The following NEMP2 variants were observed in gnomAD, a reference collection of about 807,000 sequenced individuals.
NEMP2 encodes the protein nuclear envelope integral membrane protein 2, also known as UPF0571 transmembrane protein.
In NEMP2, 53 loss-of-function variants were observed where a neutral mutation model predicts 54.2. The ratio of observed to expected loss-of-function variants is 0.98; its 90% CI spans 0.78 to 1.23. The LOEUF (loss-of-function observed/expected upper bound fraction) is 1.23, where lower values mean the gene tolerates loss of function less well. Among genes scored for constraint, NEMP2 ranks in the 50% most tolerant of loss-of-function variants. NEMP2 has a pLI of 0.00. For missense variants in NEMP2, 455 were observed against 511.3 expected (o/e 0.89, Z 1.06); for synonymous variants, 197 against 190.3 (o/e 1.04, Z -0.29).
At chr2:190,551,939 C>G in the NEMP2 span, among the ~76,000 whole-genome samples, 1 of 152,270 alleles carries the variant, frequency 6.6e-6, no homozygotes, top group Non-Finnish European at 1.5e-5. Context: ...TGTCTCTGTC[C>G]AGCTCCATTT....
At chr2:190,497,071 A>T in the NEMP2 span, among the ~76,000 whole-genome samples, 1 of 152,334 alleles carries the variant, frequency 6.6e-6, no homozygotes, top group East Asian at 1.9e-4. The surrounding 1 kb of genome is among the most constrained non-coding windows in gnomAD (Gnocchi z 5.2). Flanking sequence ...AACATTTTTT[A>T]AAAAATAACT....
At chr2:190,549,136 C>G in the NEMP2 span, among the ~76,000 whole-genome samples, 2 of 152,182 alleles carry the variant, frequency 1.3e-5, no homozygotes, top group Non-Finnish European at 1.5e-5. Flanking sequence ...TTCATACTTA[C>G]AGTGCAGTTT....
rs985043539 is a variant in NEMP2, at chr2:190,512,037, G to T, written c.954-1500C>A. On this transcript the variant is annotated intron_variant, in intron 7 of 8. Coordinates refer to ENST00000409150, the MANE Select transcript of NEMP2 (RefSeq NM_001142645.2). This position sits in a 1 kb window ranked among gnomAD's most constrained non-coding sequence, Gnocchi z 4.5. ...ATTGATAAATCTATTATCTTTTAAAGATCTTATAGTTGATGAGCTAGATCA... is the reference window on the plus strand; with the variant it reads ...ATTGATAAATCTATTATCTTTTAAATATCTTATAGTTGATGAGCTAGATCA... Among the ~76,000 whole-genome samples the T allele has an allele frequency of 4.0e-5, 6 of 151,558 alleles. 1 individual carries two copies. In the South Asian group the frequency reaches 1.3e-3, roughly 32 times the overall value.
chr2:190,498,170 T>G, the NEMP2 span, among the ~76,000 whole-genome samples: 1 of 152,160 alleles, frequency 6.6e-6, no homozygotes, highest in African/African-American at 2.4e-5. This position sits in a 1 kb window ranked among gnomAD's most constrained non-coding sequence, Gnocchi z 5.9. Flanking sequence ...GTTATGCAGG[T>G]GGCCTCACCT....
At chr2:190,599,408 A>G in the NEMP2 span, among the ~76,000 whole-genome samples, 1 of 152,202 alleles carries the variant, frequency 6.6e-6, no homozygotes, top group Non-Finnish European at 1.5e-5. Context: ...ATCACAGGTA[A>G]AACTCTTGAA....
the NEMP2 span, among the ~76,000 whole-genome samples, chr2:190,481,809 C>A: frequency 6.6e-6 from 1 of 152,196 alleles, no homozygotes; most frequent in African/African-American, 2.4e-5. Flanking sequence ...AACTTTCTTT[C>A]GTGCAGCACA....
the NEMP2 span, among the ~76,000 whole-genome samples, chr2:190,636,339 C>G: frequency 6.6e-6 from 1 of 152,184 alleles, no homozygotes; most frequent in Admixed American, 6.5e-5. Context: ...CTGCTTAAGG[C>G]CAAGTAAGGT....
chr2:190,455,018 T>C, the NEMP2 span, among the ~76,000 whole-genome samples: 1 of 146,752 alleles, frequency 6.8e-6, no homozygotes, highest in East Asian at 1.9e-4. Flanking sequence ...TGTATATGTA[T>C]ATGTGTGTTG....
rs1254302050 is a variant in NEMP2 at position 190,519,709 on chromosome 2, C to T, written c.214-526G>A. On this transcript the variant is annotated intron_variant, in intron 2 of 8. Transcript: ENST00000409150. The surrounding 1 kb of genome is among the most constrained non-coding windows in gnomAD (Gnocchi z 5.4). ...ACATTATTGAAAGTGAATGCTTCTC[C>T]CTCCAAGCTGTGGCTGATTTAAGTC... is the stretch of plus-strand genomic sequence containing the variant. Among the ~76,000 whole-genome samples, 1 of 152,176 alleles carries T rather than the reference C, an allele frequency of 6.6e-6. No individual in the cohort carries two copies. Among genetic ancestry groups the T allele is most frequent in the Admixed American group, 6.5e-5 (1 of 15,286 alleles).
chr2:190,437,178 G>C, the NEMP2 span: 6 of 1,614,240 alleles, frequency 3.7e-6, no homozygotes, highest in Non-Finnish European at 5.1e-6. The surrounding 1 kb of genome is among the most constrained non-coding windows in gnomAD (Gnocchi z 5.9). Flanking sequence ...CCATGGCCTT[G>C]ATCGTTGCCA....
At chr2:190,638,384 G>A in the NEMP2 span, among the ~76,000 whole-genome samples, 7 of 152,106 alleles carry the variant, frequency 4.6e-5, no homozygotes, top group African/African-American at 1.7e-4. The surrounding 1 kb of genome is among the most constrained non-coding windows in gnomAD (Gnocchi z 5.7). Context: ...GTGAGTGGGA[G>A]TGGAAGGCGA....
the NEMP2 span, among the ~76,000 whole-genome samples, chr2:190,487,540 G>C: frequency 6.6e-6 from 1 of 152,042 alleles, no homozygotes; most frequent in Non-Finnish European, 1.5e-5. This position sits in a 1 kb window ranked among gnomAD's most constrained non-coding sequence, Gnocchi z 5.5. Flanking sequence ...AATATATAAA[G>C]AGCTCCTACA....
At chr2:190,583,533 T>C in the NEMP2 span, among the ~76,000 whole-genome samples, 1 of 152,250 alleles carries the variant, frequency 6.6e-6, no homozygotes, top group South Asian at 2.1e-4. Flanking sequence ...TACTGGGACT[T>C]AAAGTATCAC....
chr2:190,444,307 C>G, the NEMP2 span, among the ~76,000 whole-genome samples: 2 of 152,208 alleles, frequency 1.3e-5, no homozygotes, highest in African/African-American at 4.8e-5. Flanking sequence ...TATGAGTATT[C>G]TTGGTCATGG....
the NEMP2 span, chr2:190,646,783 A>G: frequency 6.6e-6 from 1 of 152,264 alleles, no homozygotes; most frequent in African/African-American, 2.4e-5. Flanking sequence ...CCAGACACAG[A>G]CAAGCTTGGG....
chr2:190,473,622 T>G, the NEMP2 span, among the ~76,000 whole-genome samples: 11 of 152,034 alleles, frequency 7.2e-5, no homozygotes, highest in Admixed American at 2.6e-4. Context: ...CAATAATAAT[T>G]GGAGACTTTA....
In NEMP2 at chr2:190,508,082, A is replaced by G. The variant is rs572716693; in HGVS notation, c.*1107T>C. 2.0e-5 allele frequency: 3 copies of G among 152,342 alleles called. No individual in the cohort carries two copies. The highest frequency in any genetic ancestry group is 2.0e-4 in the Admixed American group (3 of 15,298). The allele number at this position is 152,342 out of a possible 1,614,324, so 9.4% of individuals were successfully genotyped here. ...ATGAATCAAGAAAAAAAATCATTTT[A>G]TAAGAAATTGTTACAAACACCTATA... On this transcript the variant is annotated 3_prime_UTR_variant, in exon 9 of 9. Coordinates refer to ENST00000409150, the MANE Select transcript of NEMP2 (RefSeq NM_001142645.2). This position sits in a 1 kb window ranked among gnomAD's most constrained non-coding sequence, Gnocchi z 4.3.
At chr2:190,479,342 C>G in the NEMP2 span, among the ~76,000 whole-genome samples, 3 of 152,110 alleles carry the variant, frequency 2.0e-5, no homozygotes, top group Non-Finnish European at 4.4e-5. Context: ...TATAAAGAAG[C>G]AGAAAACATA....
At chr2:190,574,860 GCTTTT>G in the NEMP2 span, among the ~76,000 whole-genome samples, 5 of 105,466 alleles carry the variant, frequency 4.7e-5, no homozygotes, top group African/African-American at 1.1e-4. Context: ...TCTTTTCTTT[GCTTTT>G]CTTTGCTTTC....
Sources: gnomAD v4.1 joint callset for allele counts (sites outside exome capture counted in the v4.1 genomes callset) on GRCh38, gnomAD v4.1.1 for gene constraint, Gnocchi (gnomAD v3.1) non-coding constraint, MANE v1.5 for transcripts, NCBI Gene and HGNC (gene_info 2026-07-23, HGNC 2026-07-21) for gene names.